Variants in HCN1 observed in about 807,000 individuals in gnomAD.
The protein encoded by HCN1 is hyperpolarization activated cyclic nucleotide gated potassium channel 1, also known as potassium/sodium hyperpolarization-activated cyclic nucleotide-gated channel 1.
A neutral mutation model predicts 78.9 loss-of-function variants in HCN1; 13 were observed. The observed-to-expected ratio is 0.16, with a 90% CI of 0.11 to 0.26. HCN1 has a LOEUF of 0.26. HCN1 is among the 10% of genes least tolerant of loss of function. HCN1 has a pLI of 1.00. For missense variants in HCN1, 810 were observed against 1,154.3 expected (o/e 0.70, Z 4.32); for synonymous variants, 552 against 455.5 (o/e 1.21, Z -2.70).
intron 3 of HCN1, among the ~76,000 whole-genome samples, chr5:45,450,227 TATC>T (rs776899954): frequency 2.0e-5 from 3 of 152,214 alleles, no homozygotes; most frequent in Non-Finnish European, 4.4e-5. Context: ...GTAGCTAACT[TATC>T]AACTGATTAA....
At chr5:45,682,487 T>C (rs1350596782) in intron 1 of HCN1, among the ~76,000 whole-genome samples, 1 of 151,870 alleles carries the variant, frequency 6.6e-6, no homozygotes, top group African/African-American at 2.4e-5. Flanking sequence ...GGAAAAAGGT[T>C]GTTGGAAATT....
chr5:45,643,318 AAATAGTCAC>A (rs1745489138), intron 2 of HCN1: 1 of 152,080 alleles, frequency 6.6e-6, no homozygotes, highest in African/African-American at 2.4e-5. Context: ...AAGATATTAA[AAATAGTCAC>A]ATTGCTACTG....
intron 2 of HCN1, among the ~76,000 whole-genome samples, chr5:45,596,746 T>C (rs1455336155): frequency 6.6e-6 from 1 of 152,162 alleles, no homozygotes; most frequent in Admixed American, 6.5e-5. Flanking sequence ...GCACATTTTG[T>C]CATGGCAAAC....
At chr5:45,482,389 G>A (rs1002108710) in intron 2 of HCN1, among the ~76,000 whole-genome samples, 2 of 152,156 alleles carry the variant, frequency 1.3e-5, no homozygotes, top group African/African-American at 4.8e-5. Flanking sequence ...CCAACACTAT[G>A]TATGCTTCCC....
chr5:45,451,505 C>A (rs994592586), intron 3 of HCN1, among the ~76,000 whole-genome samples: 1 of 151,684 alleles, frequency 6.6e-6, no homozygotes, highest in South Asian at 2.1e-4. Context: ...ATAACTCAGT[C>A]GAGGACAGAA....
chr5:45,302,649 T>TA (rs1745650933), intron 6 of HCN1, among the ~76,000 whole-genome samples: 1 of 151,270 alleles, frequency 6.6e-6, no homozygotes, highest in Admixed American at 6.6e-5. Flanking sequence ...ATAATTTTAA[T>TA]AAAAATTGGA....
At chr5:45,400,350 A>G (rs1739767516) in intron 3 of HCN1, among the ~76,000 whole-genome samples, 1 of 151,304 alleles carries the variant, frequency 6.6e-6, no homozygotes, top group African/African-American at 2.4e-5. Context: ...ACACCTGTGT[A>G]TACATGCTCT....
intron 1 of HCN1, among the ~76,000 whole-genome samples, chr5:45,677,735 C>T (rs929741366): frequency 6.6e-6 from 1 of 151,796 alleles, no homozygotes. Flanking sequence ...GTTCCCCTTT[C>T]TTAAAGTCTG....
At chr5:45,568,733 A>C (rs974492035) in intron 2 of HCN1, among the ~76,000 whole-genome samples, 8 of 152,144 alleles carry the variant, frequency 5.3e-5, no homozygotes, top group Non-Finnish European at 7.4e-5. Flanking sequence ...CAATGGAAGA[A>C]TTGTTTACTT....
intron 2 of HCN1, among the ~76,000 whole-genome samples, chr5:45,569,814 A>G (rs1743787260): frequency 6.6e-6 from 1 of 152,034 alleles, no homozygotes; most frequent in African/African-American, 2.4e-5. Flanking sequence ...TGTGGGCATC[A>G]TTATTATCAT....
At chr5:45,374,056 T>G (rs187747493) in intron 4 of HCN1, among the ~76,000 whole-genome samples, 1 of 72,278 alleles carries the variant, frequency 1.4e-5, no homozygotes, top group Non-Finnish European at 2.6e-5. Context: ...TTATATATAT[T>G]ATATATATAA....
At chr5:45,599,686 A>T (rs1744584028) in intron 2 of HCN1, among the ~76,000 whole-genome samples, 1 of 152,002 alleles carries the variant, frequency 6.6e-6, no homozygotes, top group East Asian at 1.9e-4. Flanking sequence ...ATAATAGTCG[A>T]GTTGCTTTTT....
At chr5:45,464,376 C>T (rs1741226294) in intron 2 of HCN1, among the ~76,000 whole-genome samples, 1 of 152,084 alleles carries the variant, frequency 6.6e-6, no homozygotes, top group Admixed American at 6.6e-5. Flanking sequence ...TTCCCAATTC[C>T]ATAATGTTAG....
At chr5:45,533,768 G>A (rs752954396) in intron 2 of HCN1, among the ~76,000 whole-genome samples, 24 of 152,294 alleles carry the variant, frequency 1.6e-4, no homozygotes, top group Middle Eastern at 3.4e-3. Context: ...CTGAGCTGGA[G>A]TTCAGTTTTT....
At chr5:45,498,976 C>T (rs969452202) in intron 2 of HCN1, among the ~76,000 whole-genome samples, 2 of 152,190 alleles carry the variant, frequency 1.3e-5, no homozygotes, top group Admixed American at 6.5e-5. Context: ...AGAACCACTA[C>T]TCTTCTTCAA....
At chr5:45,612,407 C>G (rs1173664170) in intron 2 of HCN1, among the ~76,000 whole-genome samples, 2 of 152,136 alleles carry the variant, frequency 1.3e-5, no homozygotes, top group Non-Finnish European at 2.9e-5. Flanking sequence ...ATTTCCATTT[C>G]CAGTGCCTAG....
Position 45,443,708 on chromosome 5 carries a change from T to C in HCN1, c.1011+18138A>G, listed in dbSNP as rs140900379. ...AATTGTGAAATATGCAACTTCTGAC[T>C]TTCTTCCCTCAAGTTAAAACATAAT... On this transcript the variant is annotated intron_variant, in intron 3 of 7. Coordinates refer to ENST00000303230, the MANE Select transcript of HCN1 (RefSeq NM_021072.4). 2.1e-4 allele frequency among the ~76,000 whole-genome samples: 32 copies of C among 152,240 alleles called. No homozygotes were observed. The East Asian group carries it at 6.0e-3, about 28-fold the overall frequency.
intron 6 of HCN1, among the ~76,000 whole-genome samples, chr5:45,296,004 CTT>C (rs2111892444): frequency 6.6e-6 from 1 of 152,050 alleles, no homozygotes; most frequent in Admixed American, 6.6e-5. Context: ...GTAATGTAAA[CTT>C]ATTTTTTCTG....
chr5:45,526,064 C>T (rs1742730972), intron 2 of HCN1, among the ~76,000 whole-genome samples: 1 of 151,998 alleles, frequency 6.6e-6, no homozygotes, highest in Admixed American at 6.6e-5. Context: ...TGTTGGTACC[C>T]TGATCTTAGA....
Sources: gnomAD v4.1 joint callset for allele counts (sites outside exome capture counted in the v4.1 genomes callset) on GRCh38, gnomAD v4.1.1 for gene constraint, MANE v1.5 for transcripts, NCBI Gene and HGNC (gene_info 2026-07-23, HGNC 2026-07-21) for gene names.